The following UBAC2 variants were observed in gnomAD, a reference collection of about 807,000 sequenced individuals.
UBAC2 encodes the protein ubiquitin-associated domain-containing protein 2.
A neutral mutation model predicts 44.0 loss-of-function variants in UBAC2; 26 were observed. The ratio of observed to expected loss-of-function variants is 0.59; its 90% CI spans 0.43 to 0.82. The LOEUF (loss-of-function observed/expected upper bound fraction) is 0.82. Ranked by LOEUF, UBAC2 falls within the 40% of genes least tolerant of loss-of-function variation. UBAC2 has a pLI of 0.00. For missense variants in UBAC2, 329 were observed against 419.4 expected (o/e 0.78, Z 1.88); for synonymous variants, 155 against 154.3 (o/e 1.00, Z -0.04).
At chr13:99,329,164 G>A (rs763570549) in intron 6 of UBAC2, among the ~76,000 whole-genome samples, 35 of 152,110 alleles carry the variant, frequency 2.3e-4, no homozygotes, top group East Asian at 9.6e-4. Context: ...CTGTCCTTAC[G>A]CCAATACCAC....
chr13:99,349,269 A>G (rs1376181775), intron 7 of UBAC2, among the ~76,000 whole-genome samples: 4 of 152,192 alleles, frequency 2.6e-5, no homozygotes, highest in Admixed American at 1.3e-4. Flanking sequence ...GTGATGAGAA[A>G]GATGTATCTG....
chr13:99,291,262 A>T (rs1441739418), intron 4 of UBAC2, among the ~76,000 whole-genome samples: 1 of 152,138 alleles, frequency 6.6e-6, no homozygotes, highest in Non-Finnish European at 1.5e-5. Context: ...ATCGAATAGA[A>T]ATTTGGGGGC....
rs748818180 is a variant in UBAC2 at position 99,295,078 on chromosome 13, C to T, written c.390-19019C>T. The T allele has an allele frequency of 2.5e-6, 4 of 1,613,734 alleles. No individual in the cohort carries two copies. The highest frequency in any genetic ancestry group is 2.5e-6 in the Non-Finnish European group (3 of 1,179,816). Reference sequence around the variant, plus strand: ...ATCCATTTCACTTTCCATTTGAAGACTTGGAATGTATCATCATCTGCGTTT... The same window carrying T: ...ATCCATTTCACTTTCCATTTGAAGATTTGGAATGTATCATCATCTGCGTTT... On this transcript the variant is annotated intron_variant, in intron 4 of 8. Transcript: ENST00000403766. This position sits in a 1 kb window ranked among gnomAD's most constrained non-coding sequence, Gnocchi z 4.1.
chr13:99,303,667 TATA>T (rs1390587690), intron 4 of UBAC2, among the ~76,000 whole-genome samples: 1 of 152,210 alleles, frequency 6.6e-6, no homozygotes, highest in Admixed American at 6.5e-5. Flanking sequence ...GCTCTGTGTC[TATA>T]ATATTTCTCC....
chr13:99,214,730 T>C (rs2149264), intron 1 of UBAC2, among the ~76,000 whole-genome samples: 147,719 of 152,052 alleles, frequency 0.97, 71,885 homozygotes, highest in South Asian at 1. Flanking sequence ...AAGCAGATTG[T>C]CCCCCACCCC....
intron 8 of UBAC2, among the ~76,000 whole-genome samples, chr13:99,369,837 G>GT (rs747404946): frequency 3.1e-4 from 47 of 152,178 alleles, no homozygotes; most frequent in Admixed American, 1.8e-3. Context: ...TTATGTCCTT[G>GT]TAACATATGC....
intron 4 of UBAC2, among the ~76,000 whole-genome samples, chr13:99,284,026 C>A (rs766237939): frequency 3.9e-5 from 6 of 152,170 alleles, no homozygotes; most frequent in Admixed American, 6.5e-5. Flanking sequence ...AGCCACCACG[C>A]CTGGCCAATG....
intron 8 of UBAC2, chr13:99,376,838 C>T (rs2045486260): frequency 6.6e-6 from 1 of 152,178 alleles, no homozygotes. Context: ...AAGGTACTCG[C>T]TGTGCTCTGA....
At chr13:99,317,920 A>G in intron 5 of UBAC2, 102 bp from the exon 6 acceptor site, 2 of 891,944 alleles carry the variant, frequency 2.2e-6, no homozygotes, top group Middle Eastern at 4.6e-4. Flanking sequence ...TATATAATTA[A>G]TACTTTATAT....
intron 1 of UBAC2, among the ~76,000 whole-genome samples, chr13:99,205,323 A>C (rs1162538872): frequency 1.3e-5 from 2 of 152,046 alleles, no homozygotes; most frequent in African/African-American, 4.8e-5. Context: ...AGTTGTGAGG[A>C]GGTGAGGATC....
rs751004148 is a variant in UBAC2 at position 99,340,526 on chromosome 13, C to T, written c.768C>T (p.Phe256=). Reference sequence around the variant, plus strand: ...AGCTGCTGGACCGGCAGCTGATGTTCTCTCAGTTTGCACAAGGGAGGCGAC... The same window carrying T: ...AGCTGCTGGACCGGCAGCTGATGTTTTCTCAGTTTGCACAAGGGAGGCGAC... The part of the protein sequence containing the change: ...RMELLDRQLM[F]SQFAQGRRQR... The change falls in exon 7 of 9, where the codon TTC becomes TTT. Residue 256 remains phenylalanine, a synonymous_variant. Coordinates refer to ENST00000403766, the MANE Select transcript of UBAC2 (RefSeq NM_001144072.2). The T allele has an allele frequency of 1.2e-6, 2 of 1,614,152 alleles. No homozygotes were observed. Among genetic ancestry groups the T allele is most frequent in the South Asian group, 1.1e-5 (1 of 91,078 alleles).
intron 6 of UBAC2, among the ~76,000 whole-genome samples, chr13:99,329,436 C>T (rs1425497080): frequency 6.6e-6 from 1 of 152,216 alleles, no homozygotes; most frequent in Non-Finnish European, 1.5e-5. Flanking sequence ...TTCTTTTACA[C>T]ATCAAGAGGT....
chr13:99,283,763 C>A, intron 4 of UBAC2, among the ~76,000 whole-genome samples: 1 of 79,882 alleles, frequency 1.3e-5, no homozygotes, highest in African/African-American at 5.1e-5. Flanking sequence ...GAGACTGAGT[C>A]TTGCTCTTTT....
At position 99,385,874 on chromosome 13, in the gene UBAC2, A is replaced by G. The variant is rs1016190342; in HGVS notation, c.*539A>G. The G allele has an allele frequency of 6.4e-6, 1 of 156,492 alleles. No homozygotes were observed. Among genetic ancestry groups the G allele is most frequent in the Admixed American group, 6.2e-5 (1 of 16,196 alleles). 9.7% of individuals were successfully genotyped at this position (156,492 alleles called of 1,614,324 possible). A position where few individuals can be genotyped will look rare whatever the true frequency, so the allele number is the denominator to read the frequency against. ...GCTGTTCCAGGCCAGAGGACTCTGC[A>G]GTACCTTCTCCTACATCTAGTAACA... On this transcript the variant is annotated 3_prime_UTR_variant, in exon 9 of 9. Transcript: ENST00000403766.
intron 1 of UBAC2, among the ~76,000 whole-genome samples, chr13:99,208,018 G>A (rs1217977456): frequency 1.4e-4 from 17 of 121,110 alleles, no homozygotes; most frequent in Non-Finnish European, 2.6e-4. Flanking sequence ...TTTTTTTGAG[G>A]TGGAGTTTCG....
chr13:99,320,634 A>G (rs991581878), intron 6 of UBAC2, among the ~76,000 whole-genome samples: 1 of 152,202 alleles, frequency 6.6e-6, no homozygotes, highest in Non-Finnish European at 1.5e-5. Context: ...CAGTTTTCCT[A>G]TGTTCCTATA....
chr13:99,215,967 A>T lies in UBAC2; in HGVS notation c.31+15028A>T, dbSNP rs147047570. On this transcript the variant is annotated intron_variant, in intron 1 of 8. Coordinates refer to ENST00000403766, the MANE Select transcript of UBAC2 (RefSeq NM_001144072.2). ...GCTATTTTCCTATTGTAACAAAAAG[A>T]GCAGGAAGTAATATTAGTCTTTAAT... Among the ~76,000 whole-genome samples the T allele has an allele frequency of 5.9e-3, 900 of 152,358 alleles. 3 individuals carry two copies. The highest frequency in any genetic ancestry group is 0.017 in the Middle Eastern group (5 of 294).
At chr13:99,225,012 A>G (rs919589997) in intron 1 of UBAC2, among the ~76,000 whole-genome samples, 2 of 152,202 alleles carry the variant, frequency 1.3e-5, no homozygotes, top group African/African-American at 2.4e-5. Context: ...TTTGAGAGGA[A>G]TACTTAATGG....
chr13:99,205,041 C>A (rs1010989234), intron 1 of UBAC2, among the ~76,000 whole-genome samples: 23 of 151,264 alleles, frequency 1.5e-4, no homozygotes, highest in African/African-American at 5.4e-4. Context: ...GTAGCAGGGA[C>A]TATAGGTGTG....
Sources: allele counts gnomAD v4.1 joint callset (sites outside exome capture counted in the v4.1 genomes callset), GRCh38; gene constraint gnomAD v4.1.1; non-coding constraint Gnocchi (gnomAD v3.1); transcripts MANE v1.5; gene names NCBI Gene and HGNC (gene_info 2026-07-23, HGNC 2026-07-21).